Variants in LMNTD1 observed in about 807,000 individuals in gnomAD.
LMNTD1 encodes the protein lamin tail domain-containing protein 1.
In LMNTD1, 35 loss-of-function variants were observed where a neutral mutation model predicts 50.9. The observed-to-expected ratio is 0.69, with a 90% CI of 0.53 to 0.91. The LOEUF (loss-of-function observed/expected upper bound fraction) is 0.91, where lower values mean the gene tolerates loss of function less well. LMNTD1 is among the 40% of genes least tolerant of loss of function. The pLI is 0.00. For synonymous variants in LMNTD1, 153 were observed against 161.9 expected, an observed-to-expected ratio of 0.94 and a Z score of 0.42; for missense variants, 470 against 475.5, an observed-to-expected ratio of 0.99 and a Z score of 0.11.
At chr12:25,618,899 T>C (rs1038503342) in intron 1 of LMNTD1, among the ~76,000 whole-genome samples, 3 of 152,180 alleles carry the variant, frequency 2.0e-5, no homozygotes, top group Non-Finnish European at 4.4e-5. Flanking sequence ...CTAATAGCCA[T>C]TCACTGAATT....
intron 9 of LMNTD1, among the ~76,000 whole-genome samples, chr12:25,477,326 G>GGA (rs1440062001): frequency 6.6e-6 from 1 of 151,908 alleles, no homozygotes; most frequent in African/African-American, 2.4e-5. Flanking sequence ...ACAGAGAGAG[G>GGA]GAGAGAGAGA....
At chr12:25,560,440 C>T (rs1481251364) in intron 1 of LMNTD1, among the ~76,000 whole-genome samples, 1 of 152,182 alleles carries the variant, frequency 6.6e-6, no homozygotes, top group Non-Finnish European at 1.5e-5. Context: ...GTTTTGGTTA[C>T]TCTAGCCTTG....
At chr12:25,492,221 G>C (rs1433083863) in intron 9 of LMNTD1, among the ~76,000 whole-genome samples, 1 of 152,170 alleles carries the variant, frequency 6.6e-6, no homozygotes, top group East Asian at 1.9e-4. Flanking sequence ...GTTTTTACCT[G>C]AAAATGTTAT....
chr12:25,548,036 T>A (rs1048399383), intron 3 of LMNTD1, among the ~76,000 whole-genome samples: 1 of 151,818 alleles, frequency 6.6e-6, no homozygotes. Flanking sequence ...GATATAATGA[T>A]GAATGATAGA....
intron 1 of LMNTD1, among the ~76,000 whole-genome samples, chr12:25,604,646 G>C (rs961551071): frequency 2.6e-5 from 4 of 152,078 alleles, no homozygotes; most frequent in African/African-American, 7.3e-5. Context: ...ATGGTTTCCA[G>C]CTTCATCCAT....
At chr12:25,525,340 C>A (rs1040133876) in intron 6 of LMNTD1, among the ~76,000 whole-genome samples, 3 of 152,188 alleles carry the variant, frequency 2.0e-5, no homozygotes, top group African/African-American at 7.2e-5. Context: ...ATACTGTAAG[C>A]TCTTTCATTA....
At chr12:25,577,946 G>A (rs781169239) in intron 1 of LMNTD1, among the ~76,000 whole-genome samples, 4 of 152,040 alleles carry the variant, frequency 2.6e-5, no homozygotes, top group Non-Finnish European at 5.9e-5. Flanking sequence ...GGTGAGATTG[G>A]GTTTCTCTAA....
chr12:25,620,394 A>T (rs188227602), intron 1 of LMNTD1, among the ~76,000 whole-genome samples: 1 of 152,028 alleles, frequency 6.6e-6, no homozygotes, highest in African/African-American at 2.4e-5. Flanking sequence ...TTAAAATACA[A>T]GTATTTTAAA....
rs539485742 is a variant in LMNTD1, at chr12:25,526,658, G to T, written c.678+111C>A. 4.0e-5 allele frequency: 27 copies of T among 681,154 alleles called. No homozygotes were observed. The East Asian group carries it at 4.2e-4, about 11-fold the overall frequency. The allele number at this position is 681,154 out of a possible 1,614,324, so 42.2% of individuals were successfully genotyped here. On this transcript the variant is annotated intron_variant, in intron 5 of 9. Coordinates refer to ENST00000458174, the MANE Select transcript of LMNTD1 (RefSeq NM_001145728.2). ...CACCAACAACAAAATCACATCTTAC[G>T]TACAGATCCAGATAGAGTGATAACG...
intron 1 of LMNTD1, among the ~76,000 whole-genome samples, chr12:25,614,018 A>G (rs16929123): frequency 0.045 from 6,885 of 151,796 alleles, 462 homozygotes; most frequent in East Asian, 0.38. Flanking sequence ...AAAGGAAGAG[A>G]GTGGTTTCCA....
chr12:25,623,678 A>C (rs1273462994), intron 1 of LMNTD1, among the ~76,000 whole-genome samples: 2 of 152,104 alleles, frequency 1.3e-5, no homozygotes, highest in Non-Finnish European at 2.9e-5. Context: ...AAGTCCACCC[A>C]AATGAAATGC....
intron 1 of LMNTD1, among the ~76,000 whole-genome samples, chr12:25,608,713 G>A (rs1946176387): frequency 6.6e-6 from 1 of 151,996 alleles, no homozygotes; most frequent in Non-Finnish European, 1.5e-5. Context: ...CTGTTAGGCT[G>A]ATGGGAAAGA....
chr12:25,613,303 C>T (rs190341377), intron 1 of LMNTD1, among the ~76,000 whole-genome samples: 27 of 152,248 alleles, frequency 1.8e-4, no homozygotes, highest in Middle Eastern at 3.4e-3. Flanking sequence ...TCTGACATGA[C>T]GGGTAGAAAT....
chr12:25,517,024 G>A (rs536091376), intron 8 of LMNTD1, among the ~76,000 whole-genome samples: 2 of 136,266 alleles, frequency 1.5e-5, no homozygotes, highest in South Asian at 2.5e-4. Flanking sequence ...TCTCACACCA[G>A]TTAGAATGGC....
intron 4 of LMNTD1, among the ~76,000 whole-genome samples, chr12:25,532,541 G>A (rs116380291): frequency 0.016 from 2,382 of 152,178 alleles, 62 homozygotes; most frequent in African/African-American, 0.054. Flanking sequence ...GGCTCTAAAT[G>A]TCAGGCTATC....
intron 1 of LMNTD1, among the ~76,000 whole-genome samples, chr12:25,647,939 T>C (rs1947109030): frequency 6.6e-6 from 1 of 152,204 alleles, no homozygotes; most frequent in Non-Finnish European, 1.5e-5. Context: ...CTCTTTCTCT[T>C]CCTTTCCTTC....
intron 8 of LMNTD1, among the ~76,000 whole-genome samples, chr12:25,509,086 A>T (rs1474994632): frequency 6.6e-6 from 1 of 152,178 alleles, no homozygotes; most frequent in East Asian, 1.9e-4. Context: ...TGTTTAACTG[A>T]ATTATAATGA....
intron 1 of LMNTD1, among the ~76,000 whole-genome samples, chr12:25,578,896 T>C (rs1385117711): frequency 6.6e-6 from 1 of 152,210 alleles, no homozygotes; most frequent in Non-Finnish European, 1.5e-5. Context: ...TTATAAAATA[T>C]GATGTGCAAT....
At chr12:25,543,611 TTTC>T (rs1320319675) in intron 4 of LMNTD1, among the ~76,000 whole-genome samples, 1 of 151,950 alleles carries the variant, frequency 6.6e-6, no homozygotes, top group African/African-American at 2.4e-5. Context: ...TATTGTTTCT[TTTC>T]TTCTACTAAT....
Sources: gnomAD v4.1 joint callset for allele counts (sites outside exome capture counted in the v4.1 genomes callset) on GRCh38, gnomAD v4.1.1 for gene constraint, MANE v1.5 for transcripts, NCBI Gene and HGNC (gene_info 2026-07-23, HGNC 2026-07-21) for gene names.